Variants in ZNF469 observed in about 807,000 individuals in gnomAD.
ZNF469 encodes zinc finger protein 469.
ZNF469 carries 1 observed loss-of-function variant against 1.0 expected under a neutral mutation model. The observed-to-expected ratio is 1.00, with a 90% CI of 0.35 to 4.73. ZNF469 has a LOEUF of 4.73. ZNF469 is among the 30% of genes most tolerant of loss of function. The pLI is 0.16. For missense variants in ZNF469, 6,100 were observed against 5,356.3 expected (o/e 1.14, Z -4.33); for synonymous variants, 2,703 against 2,363.4 (o/e 1.14, Z -4.17).
chr16:88,150,755 AG>A, the ZNF469 span, among the ~76,000 whole-genome samples: 2 of 54,058 alleles, frequency 3.7e-5, no homozygotes, highest in East Asian at 6.7e-4. Flanking sequence ...GGACTTTGGG[AG>A]GGGGGTGGGA....
the ZNF469 span, among the ~76,000 whole-genome samples, chr16:88,237,939 A>G: frequency 3.9e-5 from 6 of 152,184 alleles, no homozygotes; most frequent in Non-Finnish European, 8.8e-5. Flanking sequence ...GCCTTCTCCA[A>G]TGGGCTTCTT....
chr16:88,214,893 T>A, the ZNF469 span, among the ~76,000 whole-genome samples: 2 of 151,432 alleles, frequency 1.3e-5, no homozygotes, highest in Non-Finnish European at 2.9e-5. Context: ...TTTCTCTTGA[T>A]TTTTTTTTGA....
At chr16:88,293,600 C>T in the ZNF469 span, among the ~76,000 whole-genome samples, 2 of 152,154 alleles carry the variant, frequency 1.3e-5, no homozygotes, top group Non-Finnish European at 2.9e-5. Context: ...CTAGAAAGTT[C>T]TCCCACCTGA....
the ZNF469 span, among the ~76,000 whole-genome samples, chr16:88,167,061 T>TC: frequency 7.3e-6 from 1 of 136,248 alleles, no homozygotes; most frequent in Non-Finnish European, 1.6e-5. Flanking sequence ...TTCTTTTTTT[T>TC]TTTTTTTTTT....
At chr16:88,356,253 G>A in the ZNF469 span, among the ~76,000 whole-genome samples, 1 of 152,150 alleles carries the variant, frequency 6.6e-6, no homozygotes, top group African/African-American at 2.4e-5. Flanking sequence ...GGAGATCAAA[G>A]GGGAGTGGTC....
chr16:88,433,283 C>G lies in ZNF469; in HGVS notation c.5813C>G (p.Ser1938Ter). The change falls in exon 3 of 3, where the codon TCA (serine) becomes TGA (stop). Residue 1938 changes from serine (S) to a stop codon, truncating the protein, a stop_gained. Coordinates refer to ENST00000565624, the MANE Select transcript of ZNF469 (RefSeq NM_001367624.2). LOFTEE classifies it low-confidence loss of function (END_TRUNC). ...CAGAGCCCTCCACGAGTGAACCCCTCAGGTCTGGAAGGGGGCACTGTGGAA... is the reference window on the plus strand; with the variant it reads ...CAGAGCCCTCCACGAGTGAACCCCTGAGGTCTGGAAGGGGGCACTGTGGAA... ...AAQSPPRVNP[S>*]GLEGGTVEGG... 6.5e-7 allele frequency: 1 copy of G among 1,550,380 alleles called. No individual in the cohort carries two copies. The highest frequency in any genetic ancestry group is 1.2e-5 in the South Asian group (1 of 84,066).
At chr16:88,393,014 C>T (rs1025772272) in intron 1 of ZNF469, among the ~76,000 whole-genome samples, 30 of 152,230 alleles carry the variant, frequency 2.0e-4, no homozygotes, top group African/African-American at 5.5e-4. Context: ...GGCCTCAGAG[C>T]GTGGATGTGG....
At chr16:88,126,918 C>T in the ZNF469 span, among the ~76,000 whole-genome samples, 4 of 152,222 alleles carry the variant, frequency 2.6e-5, no homozygotes, top group African/African-American at 9.6e-5. Context: ...CCCCCGGGTT[C>T]AAGTGATTCT....
chr16:88,244,049 A>G, the ZNF469 span, among the ~76,000 whole-genome samples: 3 of 142,084 alleles, frequency 2.1e-5, no homozygotes, highest in East Asian at 4.5e-4. Flanking sequence ...GGATGGGTGA[A>G]TGGATGAGTG....
chr16:88,120,988 TG>T, the ZNF469 span, among the ~76,000 whole-genome samples: 1 of 151,800 alleles, frequency 6.6e-6, no homozygotes, highest in Admixed American at 6.6e-5. Flanking sequence ...ACCATAGGTG[TG>T]GGGTGTTTTG....
chr16:88,417,835 G>A (rs1337775704), intron 1 of ZNF469, among the ~76,000 whole-genome samples: 5 of 152,258 alleles, frequency 3.3e-5, no homozygotes, highest in African/African-American at 1.2e-4. Context: ...GCCTGGCAGG[G>A]GAGTGTGCGT....
chr16:88,206,874 G>GAGCT, the ZNF469 span, among the ~76,000 whole-genome samples: 2 of 892 alleles, frequency 2.2e-3, 1 homozygote, highest in Non-Finnish European at 4.9e-3. Flanking sequence ...GGACGGAGGG[G>GAGCT]GAGGGGAGGC....
At chr16:88,353,969 G>T in the ZNF469 span, among the ~76,000 whole-genome samples, 1 of 152,224 alleles carries the variant, frequency 6.6e-6, no homozygotes, top group African/African-American at 2.4e-5. Context: ...GCCGTGAGGG[G>T]TGAATGCACC....
At chr16:88,130,271 C>G in the ZNF469 span, among the ~76,000 whole-genome samples, 1 of 152,150 alleles carries the variant, frequency 6.6e-6, no homozygotes, top group Admixed American at 6.5e-5. Context: ...TCAGAGAGGT[C>G]TCGCTGTATG....
At chr16:88,375,281 A>C in the ZNF469 span, among the ~76,000 whole-genome samples, 1 of 152,204 alleles carries the variant, frequency 6.6e-6, no homozygotes, top group Non-Finnish European at 1.5e-5. Context: ...GCCACCATTC[A>C]TCTCTCTCAG....
At chr16:88,346,909 G>C in the ZNF469 span, among the ~76,000 whole-genome samples, 2 of 152,194 alleles carry the variant, frequency 1.3e-5, no homozygotes, top group East Asian at 1.9e-4. Context: ...AATGAAAATC[G>C]GCAGCCGGGA....
intron 1 of ZNF469, among the ~76,000 whole-genome samples, chr16:88,411,573 A>C (rs1567504121): frequency 6.7e-6 from 1 of 148,170 alleles, no homozygotes; most frequent in East Asian, 2.0e-4. Context: ...CTGCAGCCTC[A>C]GGTGTGTTTG....
the ZNF469 span, among the ~76,000 whole-genome samples, chr16:88,292,889 G>A: frequency 9.3e-5 from 14 of 151,124 alleles, no homozygotes; most frequent in East Asian, 2.1e-3. Flanking sequence ...ATCCTTTATC[G>A]GACACTGGTC....
the ZNF469 span, among the ~76,000 whole-genome samples, chr16:88,122,418 C>T: frequency 0.38 from 57,094 of 149,514 alleles, 13,060 homozygotes; most frequent in Non-Finnish European, 0.52. Flanking sequence ...ACAGCCATGG[C>T]GGCCACTCGG....
Sources: gnomAD v4.1 joint callset for allele counts (sites outside exome capture counted in the v4.1 genomes callset) on GRCh38, gnomAD v4.1.1 for gene constraint, MANE v1.5 for transcripts, NCBI Gene and HGNC (gene_info 2026-07-23, HGNC 2026-07-21) for gene names.